Variants in YAP1 observed in about 807,000 individuals in gnomAD.
YAP1 encodes the protein transcriptional coactivator YAP1.
Under a neutral mutation model 56.9 loss-of-function variants are expected in YAP1, and 5 were observed. The observed-to-expected ratio is 0.09, with a 90% CI of 0.05 to 0.18. The LOEUF is 0.18. Among genes scored for constraint, YAP1 ranks in the 10% least tolerant of loss-of-function variants. YAP1 has a pLI of 1.00. For missense variants in YAP1, 539 were observed against 651.8 expected (o/e 0.83, Z 1.88); for synonymous variants, 265 against 248.1 (o/e 1.07, Z -0.64).
chr11:102,221,532 G>A (rs1252602483), intron 6 of YAP1, among the ~76,000 whole-genome samples: 2 of 152,180 alleles, frequency 1.3e-5, no homozygotes, highest in East Asian at 1.9e-4. Flanking sequence ...GAGACCAGCT[G>A]GGCAACATGG....
Position 102,133,646 on chromosome 11 carries a change from T to G in YAP1, c.572+19252T>G, listed in dbSNP as rs189469424. Among the ~76,000 whole-genome samples the G allele has an allele frequency of 9.1e-4, 138 of 152,304 alleles. 1 individual carries two copies. The highest frequency in any genetic ancestry group is 1.5e-3 in the Non-Finnish European group (99 of 68,028). ...GTTTAATATGGTTTTGGAAGGAAGT[T>G]ATGAGTTTCACACAAATGCTTATAA... On this transcript the variant is annotated intron_variant, in intron 2 of 8. Transcript: ENST00000282441.
Position 102,110,657 on chromosome 11 carries a change from CA to C in YAP1, c.-191del, listed in dbSNP as rs1468234954. ...CCGCCAGACCAGTGGAGCCGGGGCG[CA>C]GGGCGGGGGCGGAGGCGCCGGGGCG... On this transcript the variant is annotated 5_prime_UTR_variant, in exon 1 of 9. Transcript: ENST00000282441. The C allele has an allele frequency of 3.0e-6, 1 of 328,756 alleles. No individual in the cohort carries two copies. Among genetic ancestry groups the C allele is most frequent in the Non-Finnish European group, 4.9e-6 (1 of 204,312 alleles). The allele number at this position is 328,756 out of a possible 1,614,324, so 20.4% of individuals were successfully genotyped here. A position where few individuals can be genotyped will look rare whatever the true frequency, so the allele number is the denominator to read the frequency against.
At chr11:102,220,139 G>C (rs754589995) in intron 6 of YAP1, among the ~76,000 whole-genome samples, 1 of 151,870 alleles carries the variant, frequency 6.6e-6, no homozygotes, top group Non-Finnish European at 1.5e-5. Flanking sequence ...GAGGCCAATC[G>C]CTTGAGCTCA....
chr11:102,188,152 A>G (rs1260874128), intron 4 of YAP1, among the ~76,000 whole-genome samples: 2 of 152,190 alleles, frequency 1.3e-5, no homozygotes, highest in Non-Finnish European at 2.9e-5. Flanking sequence ...ATTATGTTTT[A>G]TCTCTGCCAA....
Position 102,223,613 on chromosome 11 carries a change from TTTAA to T in YAP1, c.1033-5_1033-2del, listed in dbSNP as rs759526536. 2 of 1,609,690 alleles carry T rather than the reference TTTAA, an allele frequency of 1.2e-6. No homozygotes were observed. The highest frequency in any genetic ancestry group is 1.7e-6 in the Non-Finnish European group (2 of 1,178,262). On this transcript the variant is annotated splice_polypyrimidine_tract_variant and splice_region_variant and intron_variant, in intron 6 of 8. Transcript: ENST00000282441. ...TAGATTGATTCTCTTTGGCTTTATT[TTTAA>T]TTAGGAGTTAGCCCTGCGTAGCCAG...
rs535914317 is a variant in YAP1 at position 102,173,468 on chromosome 11, A to G, written c.688+10897A>G. 9.2e-5 allele frequency among the ~76,000 whole-genome samples: 14 copies of G among 152,316 alleles called. No homozygotes were observed. In the South Asian group the frequency reaches 2.9e-3, roughly 32 times the overall value. ...TATTTAAAGCTACTTCCTTAGGTAT[A>G]GTATACATGAATTTTTAATGTTTAA... On this transcript the variant is annotated intron_variant, in intron 3 of 8. Coordinates refer to ENST00000282441, the MANE Select transcript of YAP1 (RefSeq NM_001130145.3).
At chr11:102,220,681 T>A (rs1290315951) in intron 6 of YAP1, among the ~76,000 whole-genome samples, 1 of 152,100 alleles carries the variant, frequency 6.6e-6, no homozygotes, top group Non-Finnish European at 1.5e-5. Flanking sequence ...GTTGGAGGGC[T>A]GGTAGAGTGG....
rs199559418 is a variant in YAP1 at position 102,221,731 on chromosome 11, T to TA, written c.1033-1877dup. ...GAGTGAGACCCTGTCTCAAAAAGATTAAAAAAAAAAAAAATCTAGAAGCAC... is the reference window on the plus strand; with the variant it reads ...GAGTGAGACCCTGTCTCAAAAAGATTAAAAAAAAAAAAAAATCTAGAAGCAC... On this transcript the variant is annotated intron_variant, in intron 6 of 8. Transcript: ENST00000282441. Among the ~76,000 whole-genome samples, 1,131 of 139,328 alleles carry TA rather than the reference T, an allele frequency of 8.1e-3. 17 individuals carry two copies. The highest frequency in any genetic ancestry group is 0.046 in the East Asian group (223 of 4,836). 91.4% of individuals were successfully genotyped at this position (139,328 alleles called of 152,430 possible).
At chr11:102,173,871 ATTG>A (rs1947069309) in intron 3 of YAP1, among the ~76,000 whole-genome samples, 1 of 152,212 alleles carries the variant, frequency 6.6e-6, no homozygotes, top group Non-Finnish European at 1.5e-5. Flanking sequence ...CTTTTGCTAT[ATTG>A]TTAAAGTTTG....
intron 3 of YAP1, among the ~76,000 whole-genome samples, chr11:102,167,337 A>G (rs1946667204): frequency 6.6e-6 from 1 of 152,270 alleles, no homozygotes; most frequent in South Asian, 2.1e-4. Flanking sequence ...ATAATGTATT[A>G]AGATAATGGT....
chr11:102,188,000 C>CA (rs1234730725), intron 4 of YAP1, among the ~76,000 whole-genome samples: 7 of 152,126 alleles, frequency 4.6e-5, no homozygotes, highest in Non-Finnish European at 7.3e-5. Context: ...CCTTTTCACT[C>CA]AGAGAGCTCA....
At chr11:102,152,769 C>T (rs1945733903) in intron 2 of YAP1, among the ~76,000 whole-genome samples, 1 of 152,166 alleles carries the variant, frequency 6.6e-6, no homozygotes, top group Non-Finnish European at 1.5e-5. Context: ...GTGTTTGCCT[C>T]AATTAGTAGA....
In YAP1 at chr11:102,169,855, A is replaced by G. The variant is rs367599682; in HGVS notation, c.688+7284A>G. On this transcript the variant is annotated intron_variant, in intron 3 of 8. Coordinates refer to ENST00000282441, the MANE Select transcript of YAP1 (RefSeq NM_001130145.3). ...CCTGAAAAATGATAATATGGAAACA[A>G]CCACCATTTTTCTTACTTAAAACTA... 3.3e-4 allele frequency among the ~76,000 whole-genome samples: 51 copies of G among 152,316 alleles called. No homozygotes were observed. In the South Asian group the frequency reaches 6.0e-3, roughly 18 times the overall value.
At chr11:102,180,434 G>A (rs1947524317) in intron 3 of YAP1, among the ~76,000 whole-genome samples, 1 of 151,892 alleles carries the variant, frequency 6.6e-6, no homozygotes, top group Non-Finnish European at 1.5e-5. Context: ...TGTAATCCCA[G>A]CACTTTGGGA....
chr11:102,202,239 A>G (rs1352576904), intron 4 of YAP1, among the ~76,000 whole-genome samples: 2 of 151,494 alleles, frequency 1.3e-5, no homozygotes, highest in Non-Finnish European at 2.9e-5. Context: ...GGCTCAGTGC[A>G]ACCTCTGTCT....
intron 6 of YAP1, among the ~76,000 whole-genome samples, chr11:102,216,733 C>T (rs1412742455): frequency 6.6e-6 from 1 of 152,158 alleles, no homozygotes; most frequent in African/African-American, 2.4e-5. Flanking sequence ...AATTAGAATA[C>T]TGGACTAAAA....
chr11:102,227,656 G>A, intron 8 of YAP1, 75 bp downstream of exon 8: 1 of 983,742 alleles, frequency 1.0e-6, no homozygotes, highest in South Asian at 1.4e-5. Flanking sequence ...ATAAGGTATT[G>A]TAAGCAAAGA....
At chr11:102,191,126 A>G (rs1948255839) in intron 4 of YAP1, among the ~76,000 whole-genome samples, 1 of 151,928 alleles carries the variant, frequency 6.6e-6, no homozygotes, top group Non-Finnish European at 1.5e-5. Context: ...TGAGCCCAAG[A>G]TCGCACCACT....
chr11:102,183,533 A>G (rs534470327), intron 3 of YAP1, among the ~76,000 whole-genome samples: 1 of 152,294 alleles, frequency 6.6e-6, no homozygotes, highest in East Asian at 1.9e-4. Flanking sequence ...AGAGCTGGTA[A>G]GTATTGATGG....
Sources: gnomAD v4.1 joint callset for allele counts (sites outside exome capture counted in the v4.1 genomes callset) on GRCh38, gnomAD v4.1.1 for gene constraint, MANE v1.5 for transcripts, NCBI Gene and HGNC (gene_info 2026-07-23, HGNC 2026-07-21) for gene names.